The following MAGI2 variants were observed in gnomAD, a reference collection of about 807,000 sequenced individuals.
The protein encoded by MAGI2 is membrane-associated guanylate kinase, WW and PDZ domain-containing protein 2.
A neutral mutation model predicts 133.3 loss-of-function variants in MAGI2; 35 were observed. The observed-to-expected ratio is 0.26, with a 90% CI of 0.20 to 0.35. The LOEUF (loss-of-function observed/expected upper bound fraction) is 0.35. MAGI2 is among the 10% of genes least tolerant of loss of function. The pLI is 1.00. For synonymous variants in MAGI2, 729 were observed against 710.6 expected (o/e 1.03, Z -0.41); for missense variants, 1,636 against 1,863.4 (o/e 0.88, Z 2.25).
chr7:78,258,580 T>C (rs1403137956), intron 9 of MAGI2, among the ~76,000 whole-genome samples: 1 of 152,152 alleles, frequency 6.6e-6, no homozygotes, highest in Non-Finnish European at 1.5e-5. Flanking sequence ...ACCTTTATAA[T>C]TTATATCATA....
intron 1 of MAGI2, among the ~76,000 whole-genome samples, chr7:79,427,430 T>C (rs534759225): frequency 2.6e-5 from 4 of 152,248 alleles, no homozygotes; most frequent in African/African-American, 9.6e-5. Flanking sequence ...TCGAAATGAT[T>C]TTTCAAGGTG....
At chr7:78,753,399 A>G (rs1184475157) in intron 2 of MAGI2, among the ~76,000 whole-genome samples, 4 of 152,220 alleles carry the variant, frequency 2.6e-5, no homozygotes, top group African/African-American at 9.6e-5. Flanking sequence ...TAAGATTAAT[A>G]AAAACCATCC....
At chr7:78,476,126 G>A (rs993735103) in intron 6 of MAGI2, among the ~76,000 whole-genome samples, 20 of 151,874 alleles carry the variant, frequency 1.3e-4, no homozygotes, top group African/African-American at 4.8e-4. Flanking sequence ...TATCCAACAA[G>A]TGTCTGTCAT....
intron 3 of MAGI2, among the ~76,000 whole-genome samples, chr7:78,606,858 T>C (rs1034227775): frequency 9.9e-5 from 15 of 152,200 alleles, no homozygotes; most frequent in African/African-American, 3.1e-4. Context: ...CTGCTTTCTG[T>C]GTATCTGTTT....
intron 2 of MAGI2, among the ~76,000 whole-genome samples, chr7:78,768,052 T>C (rs1825205813): frequency 6.6e-6 from 1 of 152,218 alleles, no homozygotes; most frequent in Non-Finnish European, 1.5e-5. Flanking sequence ...AAAATTCCAT[T>C]GGTGGGAAGT....
intron 2 of MAGI2, among the ~76,000 whole-genome samples, chr7:78,916,667 A>G (rs1798819753): frequency 6.6e-6 from 1 of 152,152 alleles, no homozygotes. Context: ...GTAAAGTCAA[A>G]TGGAAAGAAA....
At chr7:79,354,400 T>G (rs1206846170) in intron 1 of MAGI2, 2 of 152,360 alleles carry the variant, frequency 1.3e-5, no homozygotes, top group Non-Finnish European at 2.9e-5. Flanking sequence ...TCTAGTTCTA[T>G]GCAGACCTAA....
chr7:78,599,168 G>T (rs896771326), intron 3 of MAGI2, among the ~76,000 whole-genome samples: 1 of 152,068 alleles, frequency 6.6e-6, no homozygotes, highest in Non-Finnish European at 1.5e-5. Context: ...AGAAATTAAC[G>T]AATCATATGG....
chr7:78,616,561 T>A (rs905551537), intron 3 of MAGI2: 1 of 152,030 alleles, frequency 6.6e-6, no homozygotes, highest in Non-Finnish European at 1.5e-5. Context: ...GGAATGGCCA[T>A]AGCAAGATAA....
At chr7:78,440,321 T>C (rs7806209) in intron 6 of MAGI2, among the ~76,000 whole-genome samples, 136,573 of 152,160 alleles carry the variant, frequency 0.9, 62,355 homozygotes, top group East Asian at 0.98. Flanking sequence ...AGAGGTCATA[T>C]GGCTGATGAA....
chr7:78,367,965 T>C (rs1189440903), intron 7 of MAGI2, among the ~76,000 whole-genome samples: 1 of 152,208 alleles, frequency 6.6e-6, no homozygotes, highest in Non-Finnish European at 1.5e-5. Flanking sequence ...CTTACTTTTT[T>C]TGTATTTGTT....
intron 6 of MAGI2, among the ~76,000 whole-genome samples, 162 bp downstream of exon 6, chr7:78,489,599 C>A (rs982457810): frequency 6.6e-6 from 1 of 152,054 alleles, no homozygotes; most frequent in East Asian, 1.9e-4. Context: ...CATGGCCCTG[C>A]TGAAATGCCG....
At chr7:78,882,055 C>A (rs1193471504) in intron 2 of MAGI2, among the ~76,000 whole-genome samples, 15 of 89,422 alleles carry the variant, frequency 1.7e-4, no homozygotes, top group African/African-American at 5.5e-4. Flanking sequence ...GACTGACAGA[C>A]CTCTAGCTAG....
chr7:79,094,184 T>C (rs565418619), intron 1 of MAGI2, among the ~76,000 whole-genome samples: 2 of 152,324 alleles, frequency 1.3e-5, no homozygotes, highest in African/African-American at 4.8e-5. Flanking sequence ...GTTTTTGAAA[T>C]ATTCTAAATC....
At position 78,295,947 on chromosome 7, in the gene MAGI2, C is replaced by CA. The variant is rs539063028; in HGVS notation, c.1409-39367dup. On this transcript the variant is annotated intron_variant, in intron 9 of 21. Coordinates refer to ENST00000354212, the MANE Select transcript of MAGI2 (RefSeq NM_012301.4). ...TCTCCCTCTTCTTACTCCAATAATT[C>CA]AAAAAATCTACCAGCCAATCCTGTC... Among the ~76,000 whole-genome samples, 112 of 152,126 alleles carry CA rather than the reference C, an allele frequency of 7.4e-4. No homozygotes were observed. In the East Asian group the frequency reaches 8.3e-3, roughly 11 times the overall value.
intron 2 of MAGI2, among the ~76,000 whole-genome samples, chr7:78,690,598 G>T (rs1472233614): frequency 6.6e-6 from 1 of 152,116 alleles, no homozygotes; most frequent in East Asian, 1.9e-4. Context: ...TTATATTGTT[G>T]TATAAGAGAG....
intron 18 of MAGI2, among the ~76,000 whole-genome samples, chr7:78,127,661 G>C (rs1443608292): frequency 6.6e-6 from 1 of 152,146 alleles, no homozygotes; most frequent in Admixed American, 6.5e-5. Context: ...GGTTCAACCA[G>C]AACCTTGTGA....
chr7:78,985,318 G>T (rs906946376), intron 2 of MAGI2, among the ~76,000 whole-genome samples: 2 of 151,830 alleles, frequency 1.3e-5, no homozygotes, highest in South Asian at 2.1e-4. Context: ...TTATTAATTT[G>T]TTCATCAACT....
chr7:78,552,285 G>A (rs1054555544), intron 3 of MAGI2, among the ~76,000 whole-genome samples: 1 of 144,260 alleles, frequency 6.9e-6, no homozygotes, highest in African/African-American at 2.6e-5. Context: ...CTGGGTTCAA[G>A]CAGTTCTCCT....
Sources: allele counts gnomAD v4.1 joint callset (sites outside exome capture counted in the v4.1 genomes callset), GRCh38; gene constraint gnomAD v4.1.1; transcripts MANE v1.5; gene names NCBI Gene and HGNC (gene_info 2026-07-23, HGNC 2026-07-21).